PHYKPL: variants seen among roughly 807,000 people sequenced by gnomAD.
PHYKPL encodes the protein 5-phosphonooxy-L-lysine phospho-lyase.
A neutral mutation model predicts 51.3 loss-of-function variants in PHYKPL; 42 were observed. The ratio of observed to expected loss-of-function variants is 0.82; its 90% CI spans 0.64 to 1.06. The LOEUF is 1.06. PHYKPL is among the 50% of genes least tolerant of loss of function. The pLI is 0.00. For synonymous variants in PHYKPL, 264 were observed against 236.0 expected (o/e 1.12, Z -1.09); for missense variants, 655 against 586.6 (o/e 1.12, Z -1.20).
At position 178,215,320 on chromosome 5, in the gene PHYKPL, G is replaced by A; in HGVS notation, c.1038C>T (p.Leu346=). Residue 346 remains leucine, a synonymous_variant, in exon 9 of 13, where the codon CTC becomes CTT. Transcript: ENST00000308158. ...GATGTTTGATTTTTTGCTGCCCGAGGAGCTGCATCAGGAAGCTGCCTACAC... is the reference window on the plus strand; with the variant it reads ...GATGTTTGATTTTTTGCTGCCCGAGAAGCTGCATCAGGAAGCTGCCTACAC... ...ATSVGSFLMQ[L]LGQQKIKHPI... is the part of the protein sequence containing the mutation. 6.2e-7 allele frequency: 1 copy of A among 1,614,048 alleles called. No individual in the cohort carries two copies. Among genetic ancestry groups the A allele is most frequent in the Non-Finnish European group, 8.5e-7 (1 of 1,179,982 alleles).
chr5:178,210,176 C>G, intron 12 of PHYKPL: 1 of 1,613,760 alleles, frequency 6.2e-7, no homozygotes, highest in Non-Finnish European at 8.5e-7. Flanking sequence ...CTACTGGAAC[C>G]AGGGCTACGG....
chr5:178,230,772 C>G (rs1203289593), intron 2 of PHYKPL: 1 of 154,284 alleles, frequency 6.5e-6, no homozygotes, highest in African/African-American at 2.4e-5. Context: ...CTTAATTCTC[C>G]AAACACCTTA....
intron 8 of PHYKPL, chr5:178,216,360 T>A (rs1187053340): frequency 6.6e-6 from 1 of 152,154 alleles, no homozygotes; most frequent in African/African-American, 2.4e-5. Flanking sequence ...CTCTGCAGAA[T>A]GAGGAAGTAA....
At chr5:178,210,755 C>T (rs1292680827) in intron 12 of PHYKPL, 1 of 724,754 alleles carries the variant, frequency 1.4e-6, no homozygotes, top group Non-Finnish European at 2.4e-6. Flanking sequence ...TAAAATTTCC[C>T]CCATGGAAAT....
At chr5:178,209,534 T>C in intron 12 of PHYKPL, 1 of 1,157,572 alleles carries the variant, frequency 8.6e-7, no homozygotes, top group South Asian at 1.3e-5. Context: ...TCTGGTGCTG[T>C]GCAGCAGGGG....
intron 3 of PHYKPL, 35 bp downstream of exon 3, chr5:178,229,905 A>G: frequency 6.2e-7 from 1 of 1,606,358 alleles, no homozygotes; most frequent in African/African-American, 1.3e-5. Context: ...TTACCGTCTC[A>G]CCCTCTTCCC....
At chr5:178,217,395 A>G (rs113158959) in intron 8 of PHYKPL, among the ~76,000 whole-genome samples, 9,416 of 151,862 alleles carry the variant, frequency 0.062, 330 homozygotes, top group Admixed American at 0.11. Context: ...TAATTTTTGT[A>G]TTTTTAGTAG....
At chr5:178,210,817 T>C (rs1581192509) in intron 12 of PHYKPL, 4 of 604,736 alleles carry the variant, frequency 6.6e-6, no homozygotes, top group Non-Finnish European at 1.2e-5. Flanking sequence ...CAGCGTGTGG[T>C]GTCTGAGAGG....
downstream of PHYKPL, among the ~76,000 whole-genome samples, chr5:178,208,231 G>C (rs1581162881): frequency 2.0e-5 from 3 of 152,302 alleles, no homozygotes; most frequent in Middle Eastern, 0.01. Flanking sequence ...AGCAGGAGTT[G>C]GCAGCCAGAT....
intron 3 of PHYKPL, among the ~76,000 whole-genome samples, chr5:178,227,089 T>C (rs1019419366): frequency 1.3e-5 from 2 of 152,058 alleles, no homozygotes; most frequent in African/African-American, 2.4e-5. Flanking sequence ...ATTTATGTGT[T>C]GAACCCCTAA....
chr5:178,215,784 G>A (rs1448650698), intron 8 of PHYKPL: 7 of 214,140 alleles, frequency 3.3e-5, no homozygotes, highest in Non-Finnish European at 5.5e-5. Context: ...CCAGAGGACT[G>A]GATTAGGCAC....
At chr5:178,215,586 A>G (rs1204157327) in intron 8 of PHYKPL, 156 bp from the exon 9 acceptor site, 1 of 864,176 alleles carries the variant, frequency 1.2e-6, no homozygotes, top group East Asian at 2.8e-5. Context: ...AGCAGTAGTA[A>G]GTGGGGTTCA....
intron 7 of PHYKPL, 39 bp downstream of exon 7, chr5:178,222,813 C>T (rs747558097): frequency 6.2e-7 from 1 of 1,604,280 alleles, no homozygotes. Context: ...CTCATTAGAC[C>T]CCTGCCCTCC....
chr5:178,214,719 C>T, intron 10 of PHYKPL, 77 bp downstream of exon 10: 1 of 1,337,200 alleles, frequency 7.5e-7, no homozygotes, highest in South Asian at 1.2e-5. Context: ...AGATGAGGCT[C>T]CTTTCCACTG....
At chr5:178,210,604 A>G in intron 12 of PHYKPL, 20 of 1,614,124 alleles carry the variant, frequency 1.2e-5, no homozygotes, top group Non-Finnish European at 1.6e-5. Context: ...GGCCATCAGA[A>G]TAACTACAAG....
Position 178,211,895 on chromosome 5 carries a change from G to A in PHYKPL, c.*26C>T. 6.2e-7 allele frequency: 1 copy of A among 1,612,580 alleles called. No homozygotes were observed. Among genetic ancestry groups the A allele is most frequent in the Middle Eastern group, 1.7e-4 (1 of 6,052 alleles). ...AAGAAGCAAGGCCCACTCACCTGGA[G>A]TACACTTAGGCAGAGCAGGGCTGGC... On this transcript the variant is annotated 3_prime_UTR_variant, in exon 12 of 13. Coordinates refer to ENST00000308158, the MANE Select transcript of PHYKPL (RefSeq NM_153373.4).
chr5:178,214,942 G>GC, intron 9 of PHYKPL, 57 bp from the exon 10 acceptor site: 1 of 1,538,198 alleles, frequency 6.5e-7, no homozygotes, highest in Non-Finnish European at 8.9e-7. Context: ...CAGGGTGCTG[G>GC]CCTCAGCCTC....
chr5:178,210,525 T>G (rs374338234), intron 12 of PHYKPL: 1 of 1,607,450 alleles, frequency 6.2e-7, no homozygotes, highest in Non-Finnish European at 8.5e-7. Flanking sequence ...TTGTAAATAG[T>G]AGCTGCTATG....
In PHYKPL at chr5:178,213,034, T is replaced by A; in HGVS notation, c.1242A>T (p.Pro414=). The A allele has an allele frequency of 6.2e-7, 1 of 1,614,198 alleles. No individual in the cohort carries two copies. The highest frequency in any genetic ancestry group is 1.1e-5 in the South Asian group (1 of 91,076). ...GTGCATTGTCCAGGCTGAAGCACAT[T>A]GGGGGCTTAAACTTCAGGATGTTCC... ...PGRNILKFKP[P]MCFSLDNARQ... Residue 414 remains proline, a synonymous_variant, in exon 11 of 13, where the codon CCA becomes CCT. Transcript: ENST00000308158.
Sources: gnomAD v4.1 joint callset for allele counts (sites outside exome capture counted in the v4.1 genomes callset) on GRCh38, gnomAD v4.1.1 for gene constraint, MANE v1.5 for transcripts, NCBI Gene and HGNC (gene_info 2026-07-23, HGNC 2026-07-21) for gene names.